Variants in SLC22A25 observed in about 807,000 individuals in gnomAD.
The protein encoded by SLC22A25 is solute carrier family 22 member 25, also known as MGI:2442751, MGI:2385316, MGI:3042283, MGI:3645714, MGI:3605624, MGI:2442750.
In SLC22A25, 44 loss-of-function variants were observed where a neutral mutation model predicts 45.9. That is an observed-to-expected ratio of 0.96 (90% CI 0.75 to 1.23). The LOEUF (loss-of-function observed/expected upper bound fraction) is 1.23, where lower values mean the gene tolerates loss of function less well. Among genes scored for constraint, SLC22A25 ranks in the 50% most tolerant of loss-of-function variants. SLC22A25 has a pLI of 0.00. For missense variants in SLC22A25, 800 were observed against 666.4 expected, an observed-to-expected ratio of 1.20 and a Z score of -2.21; for synonymous variants, 283 against 238.6, an observed-to-expected ratio of 1.19 and a Z score of -1.72.
intron 7 of SLC22A25, among the ~76,000 whole-genome samples, chr11:63,195,518 A>G (rs1280033298): frequency 6.6e-6 from 1 of 152,226 alleles, no homozygotes; most frequent in Non-Finnish European, 1.5e-5. Flanking sequence ...AGTACATAAC[A>G]AAATGAAGGC....
intron 3 of SLC22A25, among the ~76,000 whole-genome samples, chr11:63,233,410 A>G (rs952725378): frequency 1.3e-5 from 2 of 152,030 alleles, no homozygotes; most frequent in African/African-American, 4.8e-5. Context: ...TAGATTTTCT[A>G]GTTTATTTGC....
At chr11:63,167,739 T>C (rs180844983) in intron 9 of SLC22A25, 111 of 154,034 alleles carry the variant, frequency 7.2e-4, no homozygotes, top group Middle Eastern at 3.4e-3. Flanking sequence ...TGGGTGCAGC[T>C]TCAGTGGACT....
intron 7 of SLC22A25, among the ~76,000 whole-genome samples, chr11:63,216,073 G>A (rs1291344905): frequency 2.0e-5 from 3 of 152,046 alleles, no homozygotes; most frequent in Admixed American, 6.6e-5. Flanking sequence ...ATGAACATTT[G>A]CAACAGTTTT....
chr11:63,164,147 G>T (rs1590764956), intron 11 of SLC22A25, 74 bp from the exon 12 acceptor site: 1 of 1,512,970 alleles, frequency 6.6e-7, no homozygotes, highest in East Asian at 2.3e-5. Context: ...TCATTTTGCT[G>T]TGATTATGGA....
chr11:63,185,969 G>A (rs1009244245), intron 7 of SLC22A25, among the ~76,000 whole-genome samples: 3 of 151,936 alleles, frequency 2.0e-5, no homozygotes, highest in Non-Finnish European at 4.4e-5. Flanking sequence ...TTGGTTCCAA[G>A]TCTTTGCTAT....
At chr11:63,189,168 G>T (rs1016776921) in intron 7 of SLC22A25, among the ~76,000 whole-genome samples, 5 of 152,128 alleles carry the variant, frequency 3.3e-5, no homozygotes, top group Non-Finnish European at 7.4e-5. Flanking sequence ...CATTATTATT[G>T]TGTGGGAGCC....
intron 3 of SLC22A25, among the ~76,000 whole-genome samples, chr11:63,236,929 A>G (rs1590924657): frequency 6.6e-6 from 1 of 152,314 alleles, no homozygotes; most frequent in Middle Eastern, 3.4e-3. Context: ...CCAGCATAGA[A>G]CACTGTTCTC....
At chr11:63,236,138 C>T (rs995844352) in intron 3 of SLC22A25, among the ~76,000 whole-genome samples, 20 of 152,176 alleles carry the variant, frequency 1.3e-4, no homozygotes, top group South Asian at 4.1e-4. Context: ...TCTCAAGCTG[C>T]GTGCTGGGAG....
At chr11:63,234,744 A>G (rs1344794455) in intron 3 of SLC22A25, among the ~76,000 whole-genome samples, 1 of 152,150 alleles carries the variant, frequency 6.6e-6, no homozygotes, top group Non-Finnish European at 1.5e-5. Flanking sequence ...GATGGTCTTT[A>G]CAATTTGGCA....
At chr11:63,185,537 TTTTA>T (rs1554972322) in intron 7 of SLC22A25, among the ~76,000 whole-genome samples, 6 of 150,366 alleles carry the variant, frequency 4.0e-5, no homozygotes, top group South Asian at 2.1e-4. Context: ...TATTTTTATT[TTTTA>T]TTTATTTATT....
At chr11:63,221,480 AT>A (rs796135528) in intron 5 of SLC22A25, among the ~76,000 whole-genome samples, 4 of 151,720 alleles carry the variant, frequency 2.6e-5, no homozygotes, top group East Asian at 3.9e-4. Context: ...AAATTGTTAG[AT>A]TTTTTTTCCT....
chr11:63,232,044 T>C (rs2090078550), intron 3 of SLC22A25, among the ~76,000 whole-genome samples: 1 of 152,196 alleles, frequency 6.6e-6, no homozygotes, highest in Middle Eastern at 3.2e-3. Flanking sequence ...AGCCTTGTAG[T>C]ATAGTTTGAA....
At chr11:63,232,730 T>C (rs961794156) in intron 3 of SLC22A25, among the ~76,000 whole-genome samples, 1 of 152,208 alleles carries the variant, frequency 6.6e-6, no homozygotes, top group Non-Finnish European at 1.5e-5. Flanking sequence ...AAGGGTATGC[T>C]TCCAGTTTTT....
intron 5 of SLC22A25, among the ~76,000 whole-genome samples, chr11:63,220,229 C>A (rs2089822862): frequency 1.3e-5 from 2 of 152,120 alleles, no homozygotes; most frequent in Admixed American, 1.3e-4. Context: ...TTGAAATGTA[C>A]CCTGCAGATT....
intron 7 of SLC22A25, among the ~76,000 whole-genome samples, chr11:63,189,560 GT>G (rs2088712064): frequency 6.6e-6 from 1 of 152,122 alleles, no homozygotes; most frequent in African/African-American, 2.4e-5. Flanking sequence ...GGGTAATATT[GT>G]TATGTGTGAA....
chr11:63,241,396 C>T lies in SLC22A25; in HGVS notation c.-996+2038G>A, dbSNP rs193206133. ...ATTGGTTAGTGCTTCTCTCCTTCTT[C>T]CACGGTGTTCCATGTAATAGAAAGA... is the stretch of plus-strand genomic sequence containing the variant. On this transcript the variant is annotated intron_variant, in intron 1 of 11. Coordinates refer to ENST00000306494, the MANE Select transcript of SLC22A25 (RefSeq NM_199352.6). 1.6e-3 allele frequency among the ~76,000 whole-genome samples: 245 copies of T among 152,246 alleles called. 2 individuals carry two copies. Among genetic ancestry groups the T allele is most frequent in the African/African-American group, 5.1e-3 (211 of 41,550 alleles).
rs182857445 is a variant in SLC22A25, at chr11:63,160,096, G to A, written c.*3728C>T. Among the ~76,000 whole-genome samples the A allele has an allele frequency of 1.3e-5, 2 of 152,300 alleles. No homozygotes were observed. Among genetic ancestry groups the A allele is most frequent in the East Asian group, 3.9e-4 (2 of 5,186 alleles). ...AAATTTGCAGCCTGGTGATGTGATA[G>A]AAAATAAAAACCCATTTTCTGAGGA... On this transcript the variant is annotated 3_prime_UTR_variant, in exon 12 of 12. Coordinates refer to ENST00000306494, the MANE Select transcript of SLC22A25 (RefSeq NM_199352.6).
chr11:63,164,521 T>A lies in SLC22A25; in HGVS notation c.1394+5A>T. 4 of 1,612,052 alleles carry A rather than the reference T, an allele frequency of 2.5e-6. No homozygotes were observed. Among genetic ancestry groups the A allele is most frequent in the Non-Finnish European group, 3.4e-6 (4 of 1,178,320 alleles). ...GAATGACAGAGCACACATAAACTTT[T>A]GTACCTGATTATGGAAGGAATTAGT... On this transcript the variant is annotated splice_donor_5th_base_variant and intron_variant, in intron 11 of 11. Transcript: ENST00000306494.
intron 7 of SLC22A25, among the ~76,000 whole-genome samples, chr11:63,191,828 G>A (rs562252979): frequency 6.6e-6 from 1 of 152,290 alleles, no homozygotes; most frequent in South Asian, 2.1e-4. Context: ...AGCAACAGAA[G>A]AGACTGAATC....
Sources: allele counts gnomAD v4.1 joint callset (sites outside exome capture counted in the v4.1 genomes callset), GRCh38; gene constraint gnomAD v4.1.1; transcripts MANE v1.5; gene names NCBI Gene and HGNC (gene_info 2026-07-23, HGNC 2026-07-21).